DGKI: variants seen among roughly 807,000 people sequenced by gnomAD.
The protein encoded by DGKI is diacylglycerol kinase iota.
In DGKI, 55 loss-of-function variants were observed where a neutral mutation model predicts 147.5. That is an observed-to-expected ratio of 0.37 (90% CI 0.30 to 0.47). The LOEUF (loss-of-function observed/expected upper bound fraction) is 0.47, where lower values mean the gene tolerates loss of function less well. DGKI is among the 20% of genes least tolerant of loss of function. The pLI is 1.00. For synonymous variants in DGKI, 469 were observed against 477.1 expected, an observed-to-expected ratio of 0.98 and a Z score of 0.22; for missense variants, 1,007 against 1,323.8, an observed-to-expected ratio of 0.76 and a Z score of 3.71.
rs141818411 is a variant in DGKI, at chr7:137,563,849, A to C, written c.1947+7326T>G. On this transcript the variant is annotated intron_variant, in intron 19 of 32. Coordinates refer to ENST00000614521, the MANE Select transcript of DGKI (RefSeq NM_001321708.2). ...CATGGATTGGAACATTCATATTGTT[A>C]ATATTCCAATTCCTCCCCAAATTAT... 4.2e-3 allele frequency among the ~76,000 whole-genome samples: 642 copies of C among 152,268 alleles called. 3 individuals are homozygous for C. Among genetic ancestry groups the C allele is most frequent in the Non-Finnish European group, 7.9e-3 (537 of 67,952 alleles).
chr7:137,481,847 G>A (rs1229080912), intron 23 of DGKI, among the ~76,000 whole-genome samples: 1 of 152,022 alleles, frequency 6.6e-6, no homozygotes, highest in Admixed American at 6.6e-5. Flanking sequence ...TTAGTGAGCT[G>A]ACAGGAATTT....
chr7:137,477,311 G>A (rs962880979), intron 23 of DGKI, among the ~76,000 whole-genome samples: 11 of 152,162 alleles, frequency 7.2e-5, no homozygotes, highest in Non-Finnish European at 8.8e-5. Flanking sequence ...TAACTTTGCT[G>A]TATGCATTAT....
At chr7:137,654,850 CT>C in intron 4 of DGKI, 62 bp from the exon 5 acceptor site, 1 of 1,005,350 alleles carries the variant, frequency 9.9e-7, no homozygotes. Flanking sequence ...ACTGAATTAC[CT>C]GAAAAAAAAA....
chr7:137,681,258 C>T (rs1823226624), intron 2 of DGKI, among the ~76,000 whole-genome samples: 1 of 152,176 alleles, frequency 6.6e-6, no homozygotes, highest in African/African-American at 2.4e-5. Context: ...TTCCCTGTTG[C>T]AAGTTCAATT....
intron 1 of DGKI, among the ~76,000 whole-genome samples, chr7:137,816,064 A>C (rs1797727231): frequency 6.6e-6 from 1 of 152,040 alleles, no homozygotes; most frequent in Non-Finnish European, 1.5e-5. Context: ...GTTAGCCTTC[A>C]CCTTGATGGC....
At chr7:137,775,649 T>A (rs1388335487) in intron 1 of DGKI, among the ~76,000 whole-genome samples, 1 of 152,232 alleles carries the variant, frequency 6.6e-6, no homozygotes, top group Non-Finnish European at 1.5e-5. Flanking sequence ...TCTATAAGTC[T>A]ATCTTACAAA....
At position 137,794,979 on chromosome 7, in the gene DGKI, G is replaced by A. The variant is rs888411967; in HGVS notation, c.401+51483C>T. ...CATCTATTTCCCTTTTTCTGATTCT[G>A]TACTCACAAAACAACTTCCTAGTCT... On this transcript the variant is annotated intron_variant, in intron 1 of 32. Transcript: ENST00000614521. Among the ~76,000 whole-genome samples the A allele has an allele frequency of 3.3e-5, 5 of 152,084 alleles. No individual in the cohort carries two copies. The East Asian group carries it at 7.7e-4, about 23-fold the overall frequency.
chr7:137,551,924 G>A (rs1227445822), intron 20 of DGKI, among the ~76,000 whole-genome samples: 1 of 152,190 alleles, frequency 6.6e-6, no homozygotes, highest in Non-Finnish European at 1.5e-5. Context: ...AATGTGGATA[G>A]AGGCAAGCCA....
At chr7:137,794,342 G>C (rs1315337908) in intron 1 of DGKI, among the ~76,000 whole-genome samples, 1 of 152,138 alleles carries the variant, frequency 6.6e-6, no homozygotes, top group Non-Finnish European at 1.5e-5. Flanking sequence ...AGAGTTACAA[G>C]AAGGACAAGA....
intron 12 of DGKI, among the ~76,000 whole-genome samples, chr7:137,588,756 G>A (rs950570358): frequency 2.0e-5 from 3 of 152,218 alleles, no homozygotes; most frequent in African/African-American, 4.8e-5. Context: ...GATTACAGGC[G>A]TGAGCCACCG....
At chr7:137,781,279 G>A (rs1026879420) in intron 1 of DGKI, among the ~76,000 whole-genome samples, 1 of 152,166 alleles carries the variant, frequency 6.6e-6, no homozygotes, top group Non-Finnish European at 1.5e-5. Context: ...CAGTAGCAAC[G>A]CATTGTTTTT....
rs575267310 is a variant in DGKI, at chr7:137,471,236, A to C, written c.2374-1617T>G. 3.3e-5 allele frequency among the ~76,000 whole-genome samples: 5 copies of C among 152,238 alleles called. No individual in the cohort carries two copies. The South Asian group carries it at 1.0e-3, about 32-fold the overall frequency. On this transcript the variant is annotated intron_variant, in intron 23 of 32. Transcript: ENST00000614521. Reference sequence around the variant, plus strand: ...AGGTCTCTGTGGGGAAGACACTGGGAGTCTGGCCCTTAATAGGGATTTGAA... The same window carrying C: ...AGGTCTCTGTGGGGAAGACACTGGGCGTCTGGCCCTTAATAGGGATTTGAA...
chr7:137,824,731 C>T (rs1798006424), intron 1 of DGKI, among the ~76,000 whole-genome samples: 1 of 152,026 alleles, frequency 6.6e-6, no homozygotes, highest in South Asian at 2.1e-4. Context: ...TCCAAAAGGC[C>T]CCAGTGTGTG....
Position 137,466,094 on chromosome 7 carries a change from C to T in DGKI, c.2485-59G>A, listed in dbSNP as rs895175440. 21 of 1,587,942 alleles carry T rather than the reference C, an allele frequency of 1.3e-5. No individual in the cohort carries two copies. In the South Asian group the frequency reaches 1.7e-4, roughly 13 times the overall value. On this transcript the variant is annotated intron_variant, in intron 25 of 32. Transcript: ENST00000614521. ...ATAACAAAACAAGTATTCTTGGTCTCGAGGAATAATGAAATTCTGCAACGT... is the reference window on the plus strand; with the variant it reads ...ATAACAAAACAAGTATTCTTGGTCTTGAGGAATAATGAAATTCTGCAACGT...
chr7:137,517,279 AAAAGAAAGAAAG>A (rs3051933), intron 21 of DGKI, among the ~76,000 whole-genome samples: 2,315 of 79,692 alleles, frequency 0.029, 34 homozygotes, highest in Middle Eastern at 0.048. Flanking sequence ...AAAGAAAAGA[AAAAGAAAGAAAG>A]AAAGAAAGAA....
chr7:137,588,127 T>C (rs998574897), intron 12 of DGKI, among the ~76,000 whole-genome samples: 4 of 152,332 alleles, frequency 2.6e-5, no homozygotes, highest in Non-Finnish European at 5.9e-5. Context: ...TTAAAGTTTA[T>C]AGTTTTATTC....
At chr7:137,632,745 G>A (rs567103302) in intron 6 of DGKI, among the ~76,000 whole-genome samples, 55 of 152,232 alleles carry the variant, frequency 3.6e-4, no homozygotes, top group African/African-American at 1.1e-3. Context: ...TGTAGTCCCA[G>A]CTACTCAGGA....
rs1016529504 is a variant in DGKI at position 137,487,809 on chromosome 7, T to C, written c.2249-120A>G. 5.8e-6 allele frequency: 5 copies of C among 867,194 alleles called. No individual in the cohort carries two copies. In the African/African-American group the frequency reaches 6.8e-5, roughly 12 times the overall value. The allele number at this position is 867,194 out of a possible 1,614,324, so 53.7% of individuals were successfully genotyped here. On this transcript the variant is annotated intron_variant, in intron 21 of 32. Coordinates refer to ENST00000614521, the MANE Select transcript of DGKI (RefSeq NM_001321708.2). ...AAATATTATGGGTTTTTTAGATATG[T>C]CCGTAAAAAGAAAGAAGTACTTTCT...
In DGKI at chr7:137,424,469, C is replaced by T. The variant is rs775428057; in HGVS notation, c.2762-12262G>A. On this transcript the variant is annotated intron_variant, in intron 28 of 32. Transcript: ENST00000614521. ...CTCCCAGCGTGAGTGACGCAGAAGACGGGTGATTTCTGCATTTCCATCTGA... is the reference window on the plus strand; with the variant it reads ...CTCCCAGCGTGAGTGACGCAGAAGATGGGTGATTTCTGCATTTCCATCTGA... 7.9e-5 allele frequency among the ~76,000 whole-genome samples: 12 copies of T among 152,222 alleles called. 1 individual carries two copies. Among genetic ancestry groups the T allele is most frequent in the African/African-American group, 2.4e-4 (10 of 41,542 alleles).
Sources: allele counts gnomAD v4.1 joint callset (sites outside exome capture counted in the v4.1 genomes callset), GRCh38; gene constraint gnomAD v4.1.1; transcripts MANE v1.5; gene names NCBI Gene and HGNC (gene_info 2026-07-23, HGNC 2026-07-21).